The following TMCO5A variants were observed in gnomAD, a reference collection of about 807,000 sequenced individuals.
TMCO5A encodes the protein transmembrane and coiled-coil domain-containing protein 5A.
TMCO5A carries 34 observed loss-of-function variants against 42.3 expected under a neutral mutation model. The ratio of observed to expected loss-of-function variants is 0.80; its 90% CI spans 0.61 to 1.07. TMCO5A has a LOEUF of 1.07. Among genes scored for constraint, TMCO5A ranks in the 50% least tolerant of loss-of-function variants. The pLI, the probability that TMCO5A is intolerant of heterozygous loss-of-function variation, is 0.00. For missense variants in TMCO5A, 357 were observed against 327.9 expected, an observed-to-expected ratio of 1.09 and a Z score of -0.69; for synonymous variants, 131 against 115.6, an observed-to-expected ratio of 1.13 and a Z score of -0.86.
At chr15:38,038,081 T>C in the TMCO5A span, among the ~76,000 whole-genome samples, 1 of 152,066 alleles carries the variant, frequency 6.6e-6, no homozygotes, top group African/African-American at 2.4e-5. Context: ...TATGTAAATA[T>C]AAACATTCCT....
At chr15:37,975,385 T>TAATCCCAGCTACTCGGGAGGCTGAGG in the TMCO5A span, among the ~76,000 whole-genome samples, 3 of 144,862 alleles carry the variant, frequency 2.1e-5, no homozygotes, top group African/African-American at 8.6e-5. Context: ...TCTTTGTAGG[T>TAATCCCAGCTACTCGGGAGGCTGAGG]CTTTAAGAAA....
chr15:38,020,991 G>A, the TMCO5A span, among the ~76,000 whole-genome samples: 57 of 152,188 alleles, frequency 3.7e-4, 1 homozygote, highest in African/African-American at 1.2e-3. Context: ...AAAATGCATG[G>A]TTATTTAGGT....
At chr15:37,980,787 G>A in the TMCO5A span, among the ~76,000 whole-genome samples, 1 of 152,012 alleles carries the variant, frequency 6.6e-6, no homozygotes, top group Non-Finnish European at 1.5e-5. Flanking sequence ...TCAAAATGTG[G>A]TAGGCTCCCA....
At chr15:38,018,330 C>CT in the TMCO5A span, among the ~76,000 whole-genome samples, 1 of 152,096 alleles carries the variant, frequency 6.6e-6, no homozygotes, top group Admixed American at 6.6e-5. Flanking sequence ...TAGGAGACAA[C>CT]TTTAAGAAAT....
At chr15:37,964,150 G>A (rs984282559) in intron 11 of TMCO5A, among the ~76,000 whole-genome samples, 3 of 152,132 alleles carry the variant, frequency 2.0e-5, no homozygotes, top group African/African-American at 7.2e-5. Context: ...GAAGGTCTAG[G>A]ACTCAAGGCT....
At chr15:38,003,522 T>A in the TMCO5A span, among the ~76,000 whole-genome samples, 1 of 152,286 alleles carries the variant, frequency 6.6e-6, no homozygotes, top group Middle Eastern at 3.4e-3. Context: ...TCCAGAGATG[T>A]CATCCAGGAG....
chr15:37,938,304 G>A, intron 6 of TMCO5A, 75 bp downstream of exon 6: 1 of 1,264,636 alleles, frequency 7.9e-7, no homozygotes, highest in Admixed American at 2.2e-5. Context: ...GGAAATCAAT[G>A]TCAACGTTGT....
the TMCO5A span, among the ~76,000 whole-genome samples, chr15:38,010,558 CA>C: frequency 1.3e-5 from 2 of 151,776 alleles, no homozygotes; most frequent in African/African-American, 4.8e-5. Flanking sequence ...CAGCAGCTGG[CA>C]GGGGGAACCT....
chr15:37,940,009 A>C (rs185687053), intron 6 of TMCO5A, among the ~76,000 whole-genome samples: 3 of 152,032 alleles, frequency 2.0e-5, no homozygotes, highest in African/African-American at 7.2e-5. Context: ...TCCCAAATGC[A>C]TCCATTCCTC....
At chr15:38,002,900 C>T in the TMCO5A span, among the ~76,000 whole-genome samples, 1 of 151,984 alleles carries the variant, frequency 6.6e-6, no homozygotes, top group Non-Finnish European at 1.5e-5. Context: ...TCTGGGTAGT[C>T]TTGATGCTTG....
chr15:37,977,434 T>C, the TMCO5A span, among the ~76,000 whole-genome samples: 1 of 152,218 alleles, frequency 6.6e-6, no homozygotes, highest in East Asian at 1.9e-4. Flanking sequence ...CAGGGTCTTT[T>C]GTAGCTGAAT....
At chr15:37,992,082 T>C in the TMCO5A span, among the ~76,000 whole-genome samples, 1 of 151,996 alleles carries the variant, frequency 6.6e-6, no homozygotes, top group Non-Finnish European at 1.5e-5. Context: ...ATGGGAGAAA[T>C]TATTTGCAAA....
At chr15:38,010,069 G>T in the TMCO5A span, among the ~76,000 whole-genome samples, 8 of 151,846 alleles carry the variant, frequency 5.3e-5, no homozygotes, top group Admixed American at 1.3e-4. Flanking sequence ...TCAATTGCAG[G>T]TATCTTTATA....
At chr15:38,001,685 G>A in the TMCO5A span, among the ~76,000 whole-genome samples, 1 of 151,548 alleles carries the variant, frequency 6.6e-6, no homozygotes, top group Non-Finnish European at 1.5e-5. Flanking sequence ...TTTTTGATTT[G>A]AGGTTACCAT....
At chr15:38,036,454 C>T in the TMCO5A span, among the ~76,000 whole-genome samples, 1 of 150,824 alleles carries the variant, frequency 6.6e-6, no homozygotes, top group Middle Eastern at 3.4e-3. Context: ...ACTCCAAGCT[C>T]ATCACCCAGA....
At chr15:37,981,899 C>A in the TMCO5A span, among the ~76,000 whole-genome samples, 1 of 152,160 alleles carries the variant, frequency 6.6e-6, no homozygotes, top group Admixed American at 6.5e-5. Flanking sequence ...TTAATCATTA[C>A]AGACAACGGA....
rs552515775 is a variant in TMCO5A, at chr15:37,959,084, CAG to C, written c.669-7538_669-7537del. On this transcript the variant is annotated intron_variant, in intron 11 of 11. Coordinates refer to the TMCO5A transcript ENST00000559502. The stretch of plus-strand genomic sequence containing the variant: ...AGTTGAACAAGAGAACACATGGACA[CAG>C]AGGGGAACATCACACACTGGGGCCT... Among the ~76,000 whole-genome samples, 288 of 151,062 alleles carry C rather than the reference CAG, an allele frequency of 1.9e-3. 2 individuals carry two copies. Among genetic ancestry groups the C allele is most frequent in the African/African-American group, 6.5e-3 (266 of 40,774 alleles).
the TMCO5A span, among the ~76,000 whole-genome samples, chr15:38,035,298 C>T: frequency 6.6e-6 from 1 of 152,136 alleles, no homozygotes; most frequent in African/African-American, 2.4e-5. Context: ...ATGTAGGATG[C>T]CAGCCTCTGT....
At chr15:37,957,235 G>C (rs543701447) in intron 11 of TMCO5A, among the ~76,000 whole-genome samples, 1 of 152,156 alleles carries the variant, frequency 6.6e-6, no homozygotes, top group Admixed American at 6.5e-5. Context: ...TGGAAGTTCT[G>C]GCCAGGGCAA....
Sources: gnomAD v4.1 joint callset for allele counts (sites outside exome capture counted in the v4.1 genomes callset) on GRCh38, gnomAD v4.1.1 for gene constraint, MANE v1.5 for transcripts, NCBI Gene and HGNC (gene_info 2026-07-23, HGNC 2026-07-21) for gene names.